Variants in TANC1 observed in about 807,000 individuals in gnomAD.
TANC1 encodes the protein protein TANC1.
Under a neutral mutation model 149.7 loss-of-function variants are expected in TANC1, and 77 were observed. The ratio of observed to expected loss-of-function variants is 0.51; its 90% CI spans 0.43 to 0.62. TANC1 has a LOEUF of 0.62. Ranked by LOEUF, TANC1 falls within the 20% of genes least tolerant of loss-of-function variation. The pLI is 0.00. For synonymous variants in TANC1, 854 were observed against 925.0 expected (o/e 0.92, Z 1.39); for missense variants, 1,985 against 2,321.8 (o/e 0.85, Z 2.98).
At position 159,042,943 on chromosome 2, in the gene TANC1, A is replaced by G. The variant is rs181246383; in HGVS notation, c.-15-22953A>G. Among the ~76,000 whole-genome samples the G allele has an allele frequency of 8.7e-4, 132 of 152,256 alleles. 1 individual carries two copies. The highest frequency in any genetic ancestry group is 5.2e-3 in the South Asian group (25 of 4,826). ...AAACCTTTAAAACATTTCGTTGTGG[A>G]CTGGGCTGTAAACCTATTAGCATCA... On this transcript the variant is annotated intron_variant, in intron 2 of 26. Transcript: ENST00000263635.
chr2:159,134,716 C>CCT (rs2050477501), intron 4 of TANC1, among the ~76,000 whole-genome samples: 1 of 152,064 alleles, frequency 6.6e-6, no homozygotes, highest in African/African-American at 2.4e-5. Context: ...GAACTCCTGA[C>CCT]CTCATGATCC....
intron 1 of TANC1, among the ~76,000 whole-genome samples, chr2:158,997,964 C>T (rs182540004): frequency 2.0e-5 from 3 of 152,214 alleles, no homozygotes; most frequent in African/African-American, 7.2e-5. Flanking sequence ...CTACCTTGAC[C>T]AAGTAATCAA....
chr2:159,029,459 G>T (rs934149775), intron 2 of TANC1, among the ~76,000 whole-genome samples: 3 of 152,098 alleles, frequency 2.0e-5, no homozygotes, highest in African/African-American at 4.8e-5. Context: ...ATACAGAGTG[G>T]GTTCTTTCCT....
chr2:158,988,807 C>A (rs1390645935), intron 1 of TANC1, among the ~76,000 whole-genome samples: 1 of 152,156 alleles, frequency 6.6e-6, no homozygotes, highest in Admixed American at 6.5e-5. Flanking sequence ...GGCTCTGTAC[C>A]TACCTCCAGG....
intron 7 of TANC1, among the ~76,000 whole-genome samples, chr2:159,153,832 G>C (rs929804389): frequency 1.3e-5 from 2 of 152,188 alleles, no homozygotes; most frequent in Non-Finnish European, 2.9e-5. Context: ...GTTTTTATAA[G>C]GTGTAGCCTG....
intron 2 of TANC1, among the ~76,000 whole-genome samples, chr2:159,033,465 C>T (rs1285538982): frequency 3.9e-5 from 6 of 152,020 alleles, no homozygotes; most frequent in South Asian, 2.1e-4. Flanking sequence ...CCATGGGCTG[C>T]GGGAGAGGGG....
At chr2:159,062,969 G>A (rs1276983075) in intron 2 of TANC1, among the ~76,000 whole-genome samples, 3 of 8,904 alleles carry the variant, frequency 3.4e-4, no homozygotes, top group Admixed American at 1.4e-3. Context: ...GCGAGACTCC[G>A]TCTCAAAAAA....
chr2:159,013,010 G>A (rs1479237118), intron 2 of TANC1, among the ~76,000 whole-genome samples: 3 of 152,156 alleles, frequency 2.0e-5, no homozygotes, highest in African/African-American at 7.2e-5. Context: ...TTAGGGGGAT[G>A]TATGTGTGTG....
At chr2:159,059,930 GGT>G (rs1559183735) in intron 2 of TANC1, among the ~76,000 whole-genome samples, 12 of 125,138 alleles carry the variant, frequency 9.6e-5, no homozygotes, top group Admixed American at 1.7e-4. Context: ...GTGTGTGTGT[GGT>G]TTTTTGTTGT....
intron 2 of TANC1, among the ~76,000 whole-genome samples, chr2:159,006,295 C>CAAAAAAAAAA (rs71406138): frequency 1.3e-5 from 1 of 75,150 alleles, no homozygotes; most frequent in Non-Finnish European, 2.7e-5. Flanking sequence ...GACTTAGTCT[C>CAAAAAAAAAA]AAAAAAAAAA....
intron 2 of TANC1, among the ~76,000 whole-genome samples, chr2:159,041,810 A>C (rs2040661240): frequency 6.6e-6 from 1 of 152,190 alleles, no homozygotes; most frequent in African/African-American, 2.4e-5. Flanking sequence ...ACCCAGTCCC[A>C]GCTGAGATGA....
At chr2:159,127,474 G>C (rs1419657341) in intron 4 of TANC1, among the ~76,000 whole-genome samples, 4 of 152,142 alleles carry the variant, frequency 2.6e-5, no homozygotes, top group African/African-American at 9.7e-5. Flanking sequence ...ATACCCAAAA[G>C]AACACAAATC....
chr2:159,116,442 CAACAACAACAACAA>C (rs1194712822), intron 4 of TANC1, among the ~76,000 whole-genome samples: 1 of 136,852 alleles, frequency 7.3e-6, no homozygotes. Flanking sequence ...ACAACAACAA[CAACAACAACAACAA>C]AAAAAAAAAA....
At chr2:159,173,658 A>G (rs2055519960) in intron 11 of TANC1, among the ~76,000 whole-genome samples, 1 of 152,182 alleles carries the variant, frequency 6.6e-6, no homozygotes, top group Admixed American at 6.5e-5. Context: ...TTGGGTTGCC[A>G]AGCTGTTTTT....
chr2:159,032,691 C>G (rs1438728103), intron 2 of TANC1, among the ~76,000 whole-genome samples: 1 of 152,012 alleles, frequency 6.6e-6, no homozygotes. Context: ...TCTGGGAAAC[C>G]ACATATTCTC....
At chr2:159,136,889 T>G (rs573760831) in intron 5 of TANC1, among the ~76,000 whole-genome samples, 5 of 152,164 alleles carry the variant, frequency 3.3e-5, no homozygotes, top group Non-Finnish European at 7.3e-5. Flanking sequence ...ATTACAAATT[T>G]GCAGCATTTA....
chr2:159,185,784 C>T lies in TANC1; in HGVS notation c.2511-7C>T. 2 of 1,609,160 alleles carry T rather than the reference C, an allele frequency of 1.2e-6. No homozygotes were observed. Among genetic ancestry groups the T allele is most frequent in the Non-Finnish European group, 1.7e-6 (2 of 1,176,320 alleles). Reference sequence around the variant, plus strand: ...TCTGCTGTGAGCCTTTGTATTCCTTCCCCTAGGAACGGGCACGCGCTCTTG... The same window carrying T: ...TCTGCTGTGAGCCTTTGTATTCCTTTCCCTAGGAACGGGCACGCGCTCTTG... On this transcript the variant is annotated splice_polypyrimidine_tract_variant and splice_region_variant and intron_variant, in intron 14 of 26. Coordinates refer to ENST00000263635, the MANE Select transcript of TANC1 (RefSeq NM_033394.3).
At chr2:159,202,634 T>A (rs1166179686) in intron 19 of TANC1, among the ~76,000 whole-genome samples, 1 of 152,052 alleles carries the variant, frequency 6.6e-6, no homozygotes, top group Non-Finnish European at 1.5e-5. Context: ...AGTAGTATGA[T>A]CCATTCATCA....
At chr2:159,073,401 A>C (rs1040109845) in intron 3 of TANC1, among the ~76,000 whole-genome samples, 2 of 152,184 alleles carry the variant, frequency 1.3e-5, no homozygotes, top group African/African-American at 4.8e-5. Flanking sequence ...CCCAGAGGAA[A>C]GGGAAGTCAG....
Sources: allele counts gnomAD v4.1 joint callset (sites outside exome capture counted in the v4.1 genomes callset), GRCh38; gene constraint gnomAD v4.1.1; transcripts MANE v1.5; gene names NCBI Gene and HGNC (gene_info 2026-07-23, HGNC 2026-07-21).